The following SYT13 variants were observed in gnomAD, a reference collection of about 807,000 sequenced individuals.
SYT13 encodes synaptotagmin 13, also known as synaptotagmin-13.
Under a neutral mutation model 38.6 loss-of-function variants are expected in SYT13, and 21 were observed. That is an observed-to-expected ratio of 0.54 (90% CI 0.39 to 0.78). SYT13 has a LOEUF of 0.78. SYT13 is among the 30% of genes least tolerant of loss of function. The pLI is 0.00. For synonymous variants in SYT13, 241 were observed against 237.6 expected (o/e 1.01, Z -0.13); for missense variants, 495 against 548.7 (o/e 0.90, Z 0.98).
At chr11:45,249,552 G>C (rs1028531488) in intron 4 of SYT13, among the ~76,000 whole-genome samples, 1 of 152,156 alleles carries the variant, frequency 6.6e-6, no homozygotes. Context: ...TATACAGCAC[G>C]GAATACTATG....
intron 1 of SYT13, among the ~76,000 whole-genome samples, chr11:45,268,810 C>T (rs1854915439): frequency 6.6e-6 from 1 of 152,094 alleles, no homozygotes; most frequent in African/African-American, 2.4e-5. Context: ...GAAGGATGTC[C>T]CATCTCTACC....
chr11:45,268,359 C>T (rs767860896), intron 1 of SYT13, among the ~76,000 whole-genome samples: 2 of 104,880 alleles, frequency 1.9e-5, no homozygotes, highest in Admixed American at 1.5e-4. Flanking sequence ...CTGTCGAGAC[C>T]GGGACAGATG....
chr11:45,280,703 C>T (rs1285724463), intron 1 of SYT13, among the ~76,000 whole-genome samples: 1 of 152,182 alleles, frequency 6.6e-6, no homozygotes, highest in Non-Finnish European at 1.5e-5. Context: ...GCTTCAAATC[C>T]TGTGTCAGTG....
intron 1 of SYT13, among the ~76,000 whole-genome samples, chr11:45,256,162 G>T (rs1854744656): frequency 6.6e-6 from 1 of 152,076 alleles, no homozygotes; most frequent in Non-Finnish European, 1.5e-5. Context: ...GATATTGCCT[G>T]GACCTGCTGC....
At chr11:45,274,791 T>C (rs1854990227) in intron 1 of SYT13, among the ~76,000 whole-genome samples, 1 of 152,206 alleles carries the variant, frequency 6.6e-6, no homozygotes, top group African/African-American at 2.4e-5. Context: ...CCTGCCTCAA[T>C]AAACCTACAG....
intron 1 of SYT13, among the ~76,000 whole-genome samples, chr11:45,260,594 G>A (rs1389038490): frequency 1.3e-5 from 2 of 152,100 alleles, no homozygotes; most frequent in South Asian, 2.1e-4. Context: ...CTCTGTCTAC[G>A]TGTCCCTTGA....
chr11:45,271,594 T>G (rs1746704401), intron 1 of SYT13, among the ~76,000 whole-genome samples: 1 of 152,198 alleles, frequency 6.6e-6, no homozygotes, highest in African/African-American at 2.4e-5. Context: ...AAAAAAATCT[T>G]GAATTCTATC....
intron 1 of SYT13, among the ~76,000 whole-genome samples, chr11:45,270,562 C>T (rs1735410625): frequency 1.3e-5 from 2 of 152,040 alleles, no homozygotes; most frequent in South Asian, 2.1e-4. Context: ...TGAGTTTGTA[C>T]CCATTTAAAA....
chr11:45,275,869 G>A (rs1855004853), intron 1 of SYT13, among the ~76,000 whole-genome samples: 1 of 152,168 alleles, frequency 6.6e-6, no homozygotes, highest in Non-Finnish European at 1.5e-5. Flanking sequence ...TGGGAAAGAT[G>A]ACAATAATAA....
At chr11:45,276,930 A>C (rs1481846772) in intron 1 of SYT13, among the ~76,000 whole-genome samples, 1 of 152,190 alleles carries the variant, frequency 6.6e-6, no homozygotes, top group Non-Finnish European at 1.5e-5. Context: ...GAAAACAGTT[A>C]CTCAAATATT....
intron 1 of SYT13, among the ~76,000 whole-genome samples, chr11:45,281,887 G>A (rs1855078811): frequency 6.6e-6 from 1 of 152,194 alleles, no homozygotes; most frequent in Non-Finnish European, 1.5e-5. Context: ...CAGGAGGCGG[G>A]TGCCTGCCAA....
At position 45,286,320 on chromosome 11, in the gene SYT13, A is replaced by G; in HGVS notation, c.-113T>C. On this transcript the variant is annotated 5_prime_UTR_variant, in exon 1 of 6. Transcript: ENST00000020926. ...GCGAGCCAGCAGCTCTCCCGCCGCC[A>G]GAGGGGCGGGGACGGAGGGAGGGAG... The G allele has an allele frequency of 1.6e-6, 2 of 1,272,864 alleles. No individual in the cohort carries two copies. Among genetic ancestry groups the G allele is most frequent in the Non-Finnish European group, 2.1e-6 (2 of 960,184 alleles). 78.8% of individuals were successfully genotyped at this position (1,272,864 alleles called of 1,614,324 possible).
Position 45,243,523 on chromosome 11 carries a change from A to C in SYT13, c.*529T>G, listed in dbSNP as rs1287525288. The C allele has an allele frequency of 3.3e-5, 5 of 152,706 alleles. No homozygotes were observed. Among genetic ancestry groups the C allele is most frequent in the African/African-American group, 1.2e-4 (5 of 41,458 alleles). The allele number at this position is 152,706 out of a possible 1,614,324, so 9.5% of individuals were successfully genotyped here. On this transcript the variant is annotated 3_prime_UTR_variant, in exon 6 of 6. Coordinates refer to ENST00000020926, the MANE Select transcript of SYT13 (RefSeq NM_020826.3). ...AGGAATACCGACTAGGAATGTCTCC[A>C]GGCGAGCCCAGGAATCTGCTGGTGA...
At chr11:45,260,315 T>C (rs1854799666) in intron 1 of SYT13, among the ~76,000 whole-genome samples, 1 of 152,258 alleles carries the variant, frequency 6.6e-6, no homozygotes, top group Non-Finnish European at 1.5e-5. Flanking sequence ...TCTCCTTCTC[T>C]TGTGCAATCT....
At chr11:45,284,162 A>T (rs1255053607) in intron 1 of SYT13, among the ~76,000 whole-genome samples, 1 of 152,232 alleles carries the variant, frequency 6.6e-6, no homozygotes, top group Non-Finnish European at 1.5e-5. Flanking sequence ...CTGCTGATGA[A>T]GAAAGAAACT....
chr11:45,273,895 C>T (rs186946895), intron 1 of SYT13, among the ~76,000 whole-genome samples: 107 of 152,288 alleles, frequency 7.0e-4, no homozygotes, highest in Non-Finnish European at 1.3e-3. Flanking sequence ...AAATAATTAA[C>T]AGATTCTTAA....
chr11:45,266,403 G>A (rs1590522913), intron 1 of SYT13, among the ~76,000 whole-genome samples: 1 of 151,942 alleles, frequency 6.6e-6, no homozygotes, highest in Non-Finnish European at 1.5e-5. Flanking sequence ...GATTGTTTTA[G>A]TATTAAAATG....
intron 1 of SYT13, among the ~76,000 whole-genome samples, chr11:45,276,381 A>G (rs1029803349): frequency 1.3e-5 from 2 of 152,210 alleles, no homozygotes; most frequent in African/African-American, 2.4e-5. Context: ...GAGTTGAACA[A>G]TGAGAACACA....
chr11:45,244,076 G>A lies in SYT13; in HGVS notation c.1257C>T (p.Ala419=). The A allele has an allele frequency of 3.1e-6, 5 of 1,605,058 alleles. No homozygotes were observed. The highest frequency in any genetic ancestry group is 4.2e-6 in the Non-Finnish European group (5 of 1,177,304). ...GTTACAGGTGCAGCTGGTGCCACAT[G>A]GCAATCTGCCGGCGAGGGTTTTTGA... is the stretch of plus-strand genomic sequence containing the variant. ...EMLKNPRRQI[A]MWHQLHL Residue 419 remains alanine, a synonymous_variant, in exon 6 of 6, where the codon GCC becomes GCT. Coordinates refer to ENST00000020926, the MANE Select transcript of SYT13 (RefSeq NM_020826.3).
Sources: gnomAD v4.1 joint callset for allele counts (sites outside exome capture counted in the v4.1 genomes callset) on GRCh38, gnomAD v4.1.1 for gene constraint, MANE v1.5 for transcripts, NCBI Gene and HGNC (gene_info 2026-07-23, HGNC 2026-07-21) for gene names.